Variants in NCK1 observed in about 807,000 individuals in gnomAD.
The protein encoded by NCK1 is NCK adaptor protein 1, also known as SH2/SH3 adapter protein NCK1.
A neutral mutation model predicts 36.6 loss-of-function variants in NCK1; 19 were observed. The ratio of observed to expected loss-of-function variants is 0.52; its 90% CI spans 0.36 to 0.76. The LOEUF (loss-of-function observed/expected upper bound fraction) is 0.76, where lower values mean the gene tolerates loss of function less well. Among genes scored for constraint, NCK1 ranks in the 30% least tolerant of loss-of-function variants. The pLI is 0.00. For missense variants in NCK1, 358 were observed against 445.6 expected (o/e 0.80, Z 1.77); for synonymous variants, 165 against 156.0 (o/e 1.06, Z -0.43).
At chr3:136,871,024 G>GT (rs1938601712) in intron 1 of NCK1, among the ~76,000 whole-genome samples, 1 of 152,114 alleles carries the variant, frequency 6.6e-6, no homozygotes, top group South Asian at 2.1e-4. Context: ...AGATCTTTGT[G>GT]TATAAGGCTT....
At chr3:136,879,822 T>C (rs992938166) in intron 1 of NCK1, among the ~76,000 whole-genome samples, 1 of 151,378 alleles carries the variant, frequency 6.6e-6, no homozygotes, top group African/African-American at 2.4e-5. Context: ...GAGGGGAACA[T>C]CACACATTGG....
intron 1 of NCK1, among the ~76,000 whole-genome samples, chr3:136,925,715 T>TACCA: frequency 6.6e-6 from 1 of 152,228 alleles, no homozygotes. Flanking sequence ...GGTATGAACG[T>TACCA]ACCAGTTTGT....
intron 1 of NCK1, among the ~76,000 whole-genome samples, chr3:136,884,757 G>A (rs7617932): frequency 0.69 from 102,805 of 149,508 alleles, 35,536 homozygotes; most frequent in East Asian, 0.87. Context: ...GTCTCACTCT[G>A]TTGCCCAGGT....
chr3:136,928,119 C>T lies in NCK1; in HGVS notation c.118C>T (p.Arg40Ter), dbSNP rs778198006. The T allele has an allele frequency of 5.0e-6, 8 of 1,613,874 alleles. No homozygotes were observed. Among genetic ancestry groups the T allele is most frequent in the Non-Finnish European group, 6.8e-6 (8 of 1,179,996 alleles). Residue 40 changes from arginine to a stop codon, truncating the protein, a stop_gained, in exon 2 of 4, where the codon CGA becomes TGA. Coordinates refer to ENST00000481752, the MANE Select transcript of NCK1 (RefSeq NM_001291999.2). LOFTEE classifies it high-confidence loss of function. ...WLLDDSKSWWRVRNSMNKTGF... is the reference protein window; with the variant it reads ...WLLDDSKSWW ...TCTGGATGATTCTAAGTCCTGGTGG[C>T]GAGTTCGAAATTCCATGAATAAAAC...
chr3:136,909,483 GAC>G (rs1329057926), intron 1 of NCK1, among the ~76,000 whole-genome samples: 1 of 152,200 alleles, frequency 6.6e-6, no homozygotes, highest in Admixed American at 6.5e-5. Flanking sequence ...TGCTCTGAGA[GAC>G]AATTATTTAA....
intron 2 of NCK1, among the ~76,000 whole-genome samples, chr3:136,935,691 A>G (rs1015236060): frequency 6.6e-6 from 1 of 152,242 alleles, no homozygotes; most frequent in Non-Finnish European, 1.5e-5. Flanking sequence ...GATTTGATGT[A>G]AGACTCTTAA....
chr3:136,865,032 C>T (rs1300193201), intron 1 of NCK1, among the ~76,000 whole-genome samples: 1 of 151,618 alleles, frequency 6.6e-6, no homozygotes, highest in Non-Finnish European at 1.5e-5. Flanking sequence ...GATCTTGGCT[C>T]ACTGCAACCT....
chr3:136,916,379 T>C (rs542602652), intron 1 of NCK1, among the ~76,000 whole-genome samples: 30 of 152,316 alleles, frequency 2.0e-4, no homozygotes, highest in African/African-American at 6.7e-4. Context: ...ACAGGTTTTA[T>C]GTATGTGAAC....
intron 1 of NCK1, chr3:136,889,296 C>T (rs1939166574): frequency 5.7e-6 from 1 of 176,166 alleles, no homozygotes; most frequent in East Asian, 1.7e-4. Flanking sequence ...GCCGCGGACC[C>T]TCGCGGTGAG....
In NCK1 at chr3:136,928,014, G is replaced by T. The variant is rs1486789847; in HGVS notation, c.13G>T (p.Val5Leu). MAEE[V>L]VVVAKFDYVA... ...AAGCTGCTGAAAGATGGCAGAAGAA[G>T]TGGTGGTAGTAGCCAAATTTGATTA... The change falls in exon 2 of 4, where the codon GTG becomes TTG. Residue 5 changes from valine (V) to leucine (L), a missense_variant. This residue lies in a region of NCK1 where 143 missense variants were observed against 162.4 expected (regional missense o/e 0.88). Transcript: ENST00000481752. 1.9e-6 allele frequency: 3 copies of T among 1,613,300 alleles called. No individual in the cohort carries two copies. The highest frequency in any genetic ancestry group is 8.5e-7 in the Non-Finnish European group (1 of 1,179,348).
At chr3:136,896,632 C>T (rs1238962377) in intron 1 of NCK1, among the ~76,000 whole-genome samples, 1 of 151,846 alleles carries the variant, frequency 6.6e-6, no homozygotes, top group Non-Finnish European at 1.5e-5. Flanking sequence ...GTAGCCGGGA[C>T]CACAAGCATA....
At chr3:136,905,153 C>T (rs934364868) in intron 1 of NCK1, among the ~76,000 whole-genome samples, 9 of 152,048 alleles carry the variant, frequency 5.9e-5, no homozygotes, top group East Asian at 3.9e-4. Context: ...GCTGGGACTA[C>T]AGGTGCCTGC....
chr3:136,892,373 A>G (rs1333261285), intron 1 of NCK1, among the ~76,000 whole-genome samples: 1 of 152,204 alleles, frequency 6.6e-6, no homozygotes, highest in African/African-American at 2.4e-5. Context: ...GATGAAGTCC[A>G]GTTTGACTCT....
In NCK1 at chr3:136,868,755, A is replaced by G. The variant is rs142220559; in HGVS notation, c.-19+6402A>G. 6.0e-4 allele frequency among the ~76,000 whole-genome samples: 91 copies of G among 152,332 alleles called. 1 individual carries two copies. The highest frequency in any genetic ancestry group is 2.1e-3 in the African/African-American group (88 of 41,566). ...TAATCTTTGGAGGCCTTGAATGTGG[A>G]TACAGAACAATGTAATGATTTAGAG... is the stretch of plus-strand genomic sequence containing the variant. On this transcript the variant is annotated intron_variant, in intron 1 of 3. Coordinates refer to ENST00000481752, the MANE Select transcript of NCK1 (RefSeq NM_001291999.2).
chr3:136,912,267 A>G (rs528130361), intron 1 of NCK1, among the ~76,000 whole-genome samples: 3 of 150,862 alleles, frequency 2.0e-5, no homozygotes, highest in South Asian at 2.1e-4. Context: ...GGTTCAAGCA[A>G]TTCTCCTGCC....
intron 1 of NCK1, chr3:136,899,433 T>A (rs199863016): frequency 1.3e-3 from 360 of 278,430 alleles, no homozygotes; most frequent in East Asian, 4.7e-3. Flanking sequence ...TTTTTTTTTT[T>A]AAATTTCTTT....
intron 1 of NCK1, among the ~76,000 whole-genome samples, chr3:136,877,493 A>G (rs148333368): frequency 3.3e-5 from 5 of 152,364 alleles, no homozygotes; most frequent in Admixed American, 3.3e-4. Context: ...GAAGAGTTAT[A>G]GCCTTCAAAT....
chr3:136,920,682 A>T (rs770125861), intron 1 of NCK1, among the ~76,000 whole-genome samples: 50 of 152,304 alleles, frequency 3.3e-4, no homozygotes, highest in Middle Eastern at 3.4e-3. Context: ...CATTTTATCT[A>T]AAGAAAGAAG....
intron 1 of NCK1, among the ~76,000 whole-genome samples, chr3:136,906,171 C>A (rs1939679329): frequency 6.6e-6 from 1 of 151,116 alleles, no homozygotes; most frequent in South Asian, 2.1e-4. Context: ...AGTGTAGTCT[C>A]TGTGTGTTTT....
Sources: gnomAD v4.1 joint callset for allele counts (sites outside exome capture counted in the v4.1 genomes callset) on GRCh38, gnomAD v4.1.1 for gene constraint, gnomAD v4.1.1 regional missense constraint, MANE v1.5 for transcripts, NCBI Gene and HGNC (gene_info 2026-07-23, HGNC 2026-07-21) for gene names.